Variants in TTLL3 observed in about 807,000 individuals in gnomAD.
TTLL3 encodes tubulin monoglycylase TTLL3.
A neutral mutation model predicts 75.2 loss-of-function variants in TTLL3; 63 were observed. The observed-to-expected ratio is 0.84, with a 90% CI of 0.68 to 1.03. TTLL3 has a LOEUF of 1.03. TTLL3 is among the 50% of genes least tolerant of loss of function. The probability of loss-of-function intolerance (pLI) is 0.00; values close to 1 mark genes in which losing one functional copy is unlikely to be tolerated. For synonymous variants in TTLL3, 393 were observed against 418.5 expected (o/e 0.94, Z 0.74); for missense variants, 997 against 1,069.9 (o/e 0.93, Z 0.95).
Position 9,810,762 on chromosome 3 carries a change from G to C in TTLL3, c.48+53G>C, listed in dbSNP as rs2079276926. 2 of 1,485,954 alleles carry C rather than the reference G, an allele frequency of 1.3e-6. No individual in the cohort carries two copies. The highest frequency in any genetic ancestry group is 4.8e-5 in the East Asian group (2 of 41,502). 92.0% of individuals were successfully genotyped at this position (1,485,954 alleles called of 1,614,324 possible). A position where few individuals can be genotyped will look rare whatever the true frequency, so the allele number is the denominator to read the frequency against. Reference sequence around the variant, plus strand: ...AAGGGCCCTGGGAGCGGCTCAGCCTGTCTCCCTGCGCTGTTTTCTTATATC... The same window carrying C: ...AAGGGCCCTGGGAGCGGCTCAGCCTCTCTCCCTGCGCTGTTTTCTTATATC... On this transcript the variant is annotated intron_variant, in intron 2 of 13. Coordinates refer to ENST00000685419, the MANE Select transcript of TTLL3 (RefSeq NM_001387446.1). This position sits in a 1 kb window ranked among gnomAD's most constrained non-coding sequence, Gnocchi z 4.4.
intron 8 of TTLL3, among the ~76,000 whole-genome samples, chr3:9,821,935 G>A (rs1052341224): frequency 5.3e-5 from 8 of 150,710 alleles, no homozygotes; most frequent in African/African-American, 1.5e-4. Context: ...CCTGGGAGTC[G>A]GAGCTTGCAG....
chr3:9,817,843 C>G (rs2080035612), intron 6 of TTLL3, 84 bp downstream of exon 6: 1 of 1,560,940 alleles, frequency 6.4e-7, no homozygotes. Context: ...GAGAAACAGG[C>G]CTCTCTTCAT....
chr3:9,829,178 G>C lies in TTLL3; in HGVS notation c.1466G>C (p.Arg489Pro). The C allele has an allele frequency of 1.2e-6, 2 of 1,614,040 alleles. No homozygotes were observed. The highest frequency in any genetic ancestry group is 8.5e-7 in the Non-Finnish European group (1 of 1,180,006). Residue 489 changes from arginine to proline, a missense_variant, in exon 11 of 14, where the codon CGG becomes CCG. Transcript: ENST00000685419. ...LQTSQDTVQC[R>P]KASFELYGAD... is the part of the protein sequence containing the mutation. ...ACCTCCCAGGACACCGTGCAGTGTC[G>C]GAAGGCCAGCTTTGAGCTCTATGGC... is the stretch of plus-strand genomic sequence containing the variant.
Position 9,810,868 on chromosome 3 carries a change from C to CAAA in TTLL3, c.48+159_48+160insAAA, listed in dbSNP as rs1459088201. On this transcript the variant is annotated intron_variant, in intron 2 of 13. Transcript: ENST00000685419. This position sits in a 1 kb window ranked among gnomAD's most constrained non-coding sequence, Gnocchi z 4.4. ...CCATCTTCAACTACCTCCCCGTTTA[C>CAAA]CCCTTCAGCACCAAACTTCTGGGCT... Among the ~76,000 whole-genome samples the CAAA allele has an allele frequency of 6.6e-6, 1 of 152,198 alleles. No homozygotes were observed. Among genetic ancestry groups the CAAA allele is most frequent in the Non-Finnish European group, 1.5e-5 (1 of 68,040 alleles).
Position 9,813,776 on chromosome 3 carries a change from C to G in TTLL3, c.315+431C>G, listed in dbSNP as rs567787614. Among the ~76,000 whole-genome samples, 3 of 152,188 alleles carry G rather than the reference C, an allele frequency of 2.0e-5. No individual in the cohort carries two copies. The East Asian group carries it at 5.8e-4, about 29-fold the overall frequency. The stretch of plus-strand genomic sequence containing the variant: ...CTCCAACCTGGGCAGCAAAGCAAGA[C>G]TCTATCTCTAAAAAAGAAATAAGTG... On this transcript the variant is annotated intron_variant, in intron 4 of 13. Coordinates refer to ENST00000685419, the MANE Select transcript of TTLL3 (RefSeq NM_001387446.1).
At chr3:9,821,598 C>T (rs1265108702) in intron 8 of TTLL3, among the ~76,000 whole-genome samples, 1 of 152,206 alleles carries the variant, frequency 6.6e-6, no homozygotes, top group African/African-American at 2.4e-5. Flanking sequence ...AGATCCACAT[C>T]ATTAGCACGT....
At chr3:9,818,629 A>C (rs2080117920) in intron 6 of TTLL3, 193 bp from the exon 7 acceptor site, 4 of 1,406,926 alleles carry the variant, frequency 2.8e-6, no homozygotes, top group Non-Finnish European at 3.7e-6. Context: ...CAGCCTCCCA[A>C]AGTGCTGGGA....
At chr3:9,826,774 T>C (rs1048328120) in intron 9 of TTLL3, among the ~76,000 whole-genome samples, 10 of 149,386 alleles carry the variant, frequency 6.7e-5, no homozygotes, top group African/African-American at 2.5e-4. Flanking sequence ...TTTGTATCCA[T>C]GTATGTATTC....
intron 4 of TTLL3, among the ~76,000 whole-genome samples, chr3:9,815,082 A>G (rs997910104): frequency 6.6e-6 from 1 of 151,934 alleles, no homozygotes; most frequent in Non-Finnish European, 1.5e-5. Context: ...TACTAAAAAT[A>G]CAAAAAAATT....
Position 9,828,997 on chromosome 3 carries a change from C to A in TTLL3, c.1285C>A (p.Leu429Met), listed in dbSNP as rs1220942959. Residue 429 changes from leucine (L) to methionine (M), a missense_variant, in exon 11 of 14, where the codon CTG becomes ATG. Leu to Met is a conservative substitution (Grantham distance 15). Transcript: ENST00000685419. ...HLCNNSIQKH[L>M]ENSCHRHPLL... is the part of the protein sequence containing the mutation. ...GTGCAACAACTCCATCCAGAAGCAC[C>A]TGGAGAACTCATGCCATCGGCATCC... 13 of 1,614,228 alleles carry A rather than the reference C, an allele frequency of 8.1e-6. No homozygotes were observed. The highest frequency in any genetic ancestry group is 1.0e-5 in the Non-Finnish European group (12 of 1,180,046).
At chr3:9,834,197 C>T (rs938245262) in intron 12 of TTLL3, 18 of 346,340 alleles carry the variant, frequency 5.2e-5, no homozygotes, top group South Asian at 3.9e-4. Context: ...TGACTTATTT[C>T]AAAGATGACC....
intron 8 of TTLL3, among the ~76,000 whole-genome samples, chr3:9,821,501 C>T (rs1268722702): frequency 6.6e-6 from 1 of 152,154 alleles, no homozygotes; most frequent in Non-Finnish European, 1.5e-5. Context: ...CTAGGAATCT[C>T]AGCTGGGGTG....
In TTLL3 at chr3:9,829,299, C is replaced by T. The variant is rs1019498398; in HGVS notation, c.1587C>T (p.Leu529=). ...MAPSTAVTAR[L]CAGVQADTLR... ...CCTCCACAGCAGTCACTGCCCGGCT[C>T]TGTGCTGGCGTGCAAGCTGACACCC... Residue 529 remains leucine, a synonymous_variant, in exon 11 of 14, where the codon CTC becomes CTT. Coordinates refer to ENST00000685419, the MANE Select transcript of TTLL3 (RefSeq NM_001387446.1). 1 of 1,614,082 alleles carries T rather than the reference C, an allele frequency of 6.2e-7. No individual in the cohort carries two copies. The highest frequency in any genetic ancestry group is 1.7e-4 in the Middle Eastern group (1 of 6,060).
chr3:9,820,219 C>G (rs1276086376), intron 7 of TTLL3: 2 of 1,100,664 alleles, frequency 1.8e-6, no homozygotes, highest in African/African-American at 3.2e-5. Context: ...GGCCAAGACT[C>G]CCAGGTGCAT....
In TTLL3 at chr3:9,810,483, G is replaced by C; in HGVS notation, c.-42+89G>C. Reference sequence around the variant, plus strand: ...GTGGAGGGACTGGGGGTCGGGAGAAGAGCGGCTGAGGGTGGGCATCTGGAT... The same window carrying C: ...GTGGAGGGACTGGGGGTCGGGAGAACAGCGGCTGAGGGTGGGCATCTGGAT... On this transcript the variant is annotated intron_variant, in intron 1 of 13. Coordinates refer to ENST00000685419, the MANE Select transcript of TTLL3 (RefSeq NM_001387446.1). The surrounding 1 kb of genome is among the most constrained non-coding windows in gnomAD (Gnocchi z 4.4). 1 of 1,448,346 alleles carries C rather than the reference G, an allele frequency of 6.9e-7. No individual in the cohort carries two copies. The highest frequency in any genetic ancestry group is 9.1e-7 in the Non-Finnish European group (1 of 1,101,748). 89.7% of individuals were successfully genotyped at this position (1,448,346 alleles called of 1,614,324 possible). A position where few individuals can be genotyped will look rare whatever the true frequency, so the allele number is the denominator to read the frequency against.
rs752966613 is a variant in TTLL3, at chr3:9,825,962, C to A, written c.1003+14C>A. ...CCCGCGGACGAGGTGGGGGTCAGCT[C>A]CTGCTTCCTGCACTGGCACCTCACC... On this transcript the variant is annotated intron_variant, in intron 9 of 13. Coordinates refer to ENST00000685419, the MANE Select transcript of TTLL3 (RefSeq NM_001387446.1). 1 of 1,610,248 alleles carries A rather than the reference C, an allele frequency of 6.2e-7. No individual in the cohort carries two copies. Among genetic ancestry groups the A allele is most frequent in the Non-Finnish European group, 8.5e-7 (1 of 1,177,090 alleles).
chr3:9,814,394 C>T (rs1347828128), intron 4 of TTLL3, among the ~76,000 whole-genome samples: 5 of 150,212 alleles, frequency 3.3e-5, no homozygotes, highest in Admixed American at 2.0e-4. Flanking sequence ...ACCTGTAATC[C>T]CAGCACTTTG....
intron 12 of TTLL3, chr3:9,834,171 ACT>A (rs1275057712): frequency 3.1e-6 from 1 of 319,202 alleles, no homozygotes; most frequent in East Asian, 7.6e-5. Context: ...CAAAGTAGTC[ACT>A]CTGCCTCACA....
At position 9,834,883 on chromosome 3, in the gene TTLL3, A is replaced by C; in HGVS notation, c.2028A>C (p.Ala676=). 6.2e-7 allele frequency: 1 copy of C among 1,614,184 alleles called. No individual in the cohort carries two copies. The change falls in exon 13 of 14, where the codon GCA becomes GCC. Residue 676 remains alanine (A), a synonymous_variant. Coordinates refer to ENST00000685419, the MANE Select transcript of TTLL3 (RefSeq NM_001387446.1). Reference sequence around the variant, plus strand: ...CACCGAACCTTGATTTCAAGGTGGCACCCAGCATCCTGAAGCCAAGAAAGG... The same window carrying C: ...CACCGAACCTTGATTTCAAGGTGGCCCCCAGCATCCTGAAGCCAAGAAAGG... The part of the protein sequence containing the change: ...SLPPNLDFKV[A]PSILKPRKAP...
Sources: gnomAD v4.1 joint callset for allele counts (sites outside exome capture counted in the v4.1 genomes callset) on GRCh38, gnomAD v4.1.1 for gene constraint, Gnocchi (gnomAD v3.1) non-coding constraint, MANE v1.5 for transcripts, NCBI Gene and HGNC (gene_info 2026-07-23, HGNC 2026-07-21) for gene names.